Variants in CASK observed in about 807,000 individuals in gnomAD.
CASK encodes the protein calcium/calmodulin dependent serine protein kinase.
CASK carries 4 observed loss-of-function variants against 82.9 expected under a neutral mutation model. That is an observed-to-expected ratio of 0.05 (90% CI 0.02 to 0.11). The LOEUF (loss-of-function observed/expected upper bound fraction) is 0.11, where lower values mean the gene tolerates loss of function less well. Among genes scored for constraint, CASK ranks in the 10% least tolerant of loss-of-function variants. The pLI is 1.00. For missense variants in CASK, 358 were observed against 720.9 expected (o/e 0.50, Z 5.76); for synonymous variants, 259 against 253.5 (o/e 1.02, Z -0.20).
rs747020574 is a variant in CASK at position 41,908,611 on chromosome X, G to A, written c.59+14319C>T. On this transcript the variant is annotated intron_variant, in intron 1 of 26. Coordinates refer to ENST00000378163, the MANE Select transcript of CASK (RefSeq NM_001367721.1). The stretch of plus-strand genomic sequence containing the variant: ...AACAGGCTACCACCACTACCTAACA[G>A]AAAAGGAAAGGGTAGAGTAGTATGT... Among the ~76,000 whole-genome samples the A allele has an allele frequency of 7.1e-5, 8 of 112,009 alleles. No homozygotes were observed. In the East Asian group the frequency reaches 2.0e-3, roughly 27 times the overall value.
intron 5 of CASK, 144 bp from the exon 6 acceptor site, chrX:41,671,674 C>T: frequency 6.1e-6 from 3 of 492,342 alleles, no homozygotes; most frequent in Non-Finnish European, 7.3e-6. Context: ...ATTCTGGATG[C>T]TTGAATTATT....
chrX:41,584,192 G>C (rs2065622687), intron 14 of CASK: 1 of 112,748 alleles, frequency 8.9e-6, no homozygotes, highest in Admixed American at 9.3e-5. Context: ...AGATACTATG[G>C]AGCAACTAAT....
intron 21 of CASK, among the ~76,000 whole-genome samples, chrX:41,550,008 A>C (rs886524355): frequency 1.9e-5 from 2 of 108,044 alleles, no homozygotes; most frequent in African/African-American, 3.4e-5. Context: ...AAAAACACAA[A>C]AAATTAGCCA....
chrX:41,716,875 CAA>C (rs1452723947), intron 5 of CASK, among the ~76,000 whole-genome samples: 1 of 111,768 alleles, frequency 8.9e-6, no homozygotes, highest in East Asian at 2.8e-4. Flanking sequence ...AGTTTCTCTT[CAA>C]AAGTTTGGCA....
chrX:41,854,188 C>A (rs771864170), intron 1 of CASK, among the ~76,000 whole-genome samples: 122 of 107,870 alleles, frequency 1.1e-3, no homozygotes, highest in Non-Finnish European at 2.1e-3. Context: ...TGCCCATACC[C>A]TGGTCCAGGG....
At chrX:41,795,742 TCA>T (rs1569451560) in intron 2 of CASK, among the ~76,000 whole-genome samples, 1 of 110,568 alleles carries the variant, frequency 9.0e-6, no homozygotes, top group East Asian at 2.8e-4. Context: ...AGTATCTGAT[TCA>T]CACACAGTTG....
chrX:41,734,346 G>C (rs2068461251), intron 5 of CASK, among the ~76,000 whole-genome samples: 1 of 111,540 alleles, frequency 9.0e-6, no homozygotes, highest in Admixed American at 9.5e-5. Context: ...TAGGAGAGAG[G>C]AGAAAATTCC....
chrX:41,732,950 A>G (rs186937121), intron 5 of CASK, among the ~76,000 whole-genome samples: 2,311 of 109,403 alleles, frequency 0.021, 65 homozygotes, highest in African/African-American at 0.072. Context: ...GGTGGCTCAC[A>G]AGGTCAGGAG....
chrX:41,864,536 T>C (rs1334098573), intron 1 of CASK, among the ~76,000 whole-genome samples: 1 of 111,859 alleles, frequency 8.9e-6, no homozygotes, highest in African/African-American at 3.3e-5. Flanking sequence ...ATCTAAATTT[T>C]AGTATTTATA....
rs192934740 is a variant in CASK, at chrX:41,559,999, G to A, written c.1669-152C>T. The A allele has an allele frequency of 8.1e-6, 4 of 496,533 alleles. No individual in the cohort carries two copies. The Admixed American group carries it at 8.8e-5, about 11-fold the overall frequency. 40.9% of individuals were successfully genotyped at this position (496,533 alleles called of 1,213,427 possible). A position where few individuals can be genotyped will look rare whatever the true frequency, so the allele number is the denominator to read the frequency against. On this transcript the variant is annotated intron_variant, in intron 17 of 26. Transcript: ENST00000378163. ...AAAATGAAATGTAGTCATGAAGCAG[G>A]GACTGCTCGAGTTAACAGTAGAGTA...
In CASK at chrX:41,675,789, C is replaced by T. The variant is rs995851320; in HGVS notation, c.430-4259G>A. The T allele has an allele frequency of 9.2e-6, 11 of 1,201,727 alleles. No individual in the cohort carries two copies. The African/African-American group carries it at 1.1e-4, about 11-fold the overall frequency. On this transcript the variant is annotated intron_variant, in intron 5 of 26. Coordinates refer to ENST00000378163, the MANE Select transcript of CASK (RefSeq NM_001367721.1). ...TCCCCTCCTTCTCCTGCTTCAGCTT[C>T]GTCTCCTTGGGTATCTGATGTCCAC... is the stretch of plus-strand genomic sequence containing the variant.
intron 2 of CASK, among the ~76,000 whole-genome samples, chrX:41,808,926 C>G (rs1480623637): frequency 8.9e-6 from 1 of 112,833 alleles, no homozygotes; most frequent in Non-Finnish European, 1.9e-5. Context: ...TAGCAAACAG[C>G]ACACCAGGAG....
intron 22 of CASK, 148 bp from the exon 23 acceptor site, chrX:41,535,121 A>G (rs1439579466): frequency 4.4e-6 from 2 of 451,721 alleles, no homozygotes; most frequent in Non-Finnish European, 7.6e-6. Context: ...CTTACATGTA[A>G]TTTAAGTCAT....
chrX:41,573,064 ATTTCTTT>A (rs2065435100), intron 15 of CASK, among the ~76,000 whole-genome samples: 1 of 100,382 alleles, frequency 1.0e-5, no homozygotes, highest in African/African-American at 3.6e-5. Flanking sequence ...TGTGTGTAAA[ATTTCTTT>A]TTTCTTTTTT....
intron 5 of CASK, chrX:41,675,651 T>A: frequency 1.5e-6 from 1 of 684,944 alleles, no homozygotes; most frequent in South Asian, 2.4e-5. Context: ...AGAAGTAACA[T>A]AAACCTGTCA....
rs2072079106 is a variant in CASK at position 41,887,980 on chromosome X, T to A, written c.60-34753A>T. Among the ~76,000 whole-genome samples, 4 of 112,039 alleles carry A rather than the reference T, an allele frequency of 3.6e-5. No homozygotes were observed. In the South Asian group the frequency reaches 1.5e-3, roughly 42 times the overall value. ...ACCACAACCTTCAATGTCTTCTTTCTCCATTTCATTTTCTCTTCTATTCTG... is the reference window on the plus strand; with the variant it reads ...ACCACAACCTTCAATGTCTTCTTTCACCATTTCATTTTCTCTTCTATTCTG... On this transcript the variant is annotated intron_variant, in intron 1 of 26. Transcript: ENST00000378163.
At chrX:41,612,787 C>G (rs1281686651) in intron 11 of CASK, among the ~76,000 whole-genome samples, 2 of 98,606 alleles carry the variant, frequency 2.0e-5, no homozygotes, top group East Asian at 3.4e-4. Context: ...CCAGCCGCCC[C>G]GTCTGGAAGC....
At chrX:41,613,234 T>G (rs967310085) in intron 11 of CASK, among the ~76,000 whole-genome samples, 18 of 110,369 alleles carry the variant, frequency 1.6e-4, no homozygotes, top group African/African-American at 5.9e-4. Context: ...ATGGTTGCCG[T>G]GTCTGTGTAG....
intron 11 of CASK, among the ~76,000 whole-genome samples, chrX:41,612,381 C>T (rs12399937): frequency 0.14 from 13,505 of 98,254 alleles, 833 homozygotes; most frequent in Middle Eastern, 0.16. Context: ...ACCCTCCGCC[C>T]GGCAACCGCC....
Sources: gnomAD v4.1 joint callset for allele counts (sites outside exome capture counted in the v4.1 genomes callset) on GRCh38, gnomAD v4.1.1 for gene constraint, MANE v1.5 for transcripts, NCBI Gene and HGNC (gene_info 2026-07-23, HGNC 2026-07-21) for gene names.